BMPR1B: variants seen among roughly 807,000 people sequenced by gnomAD.
BMPR1B encodes bone morphogenetic protein receptor type 1B.
BMPR1B carries 12 observed loss-of-function variants against 59.1 expected under a neutral mutation model. The observed-to-expected ratio is 0.20, with a 90% CI of 0.13 to 0.33. The LOEUF (loss-of-function observed/expected upper bound fraction) is 0.33. BMPR1B is among the 10% of genes least tolerant of loss of function. The pLI, the probability that BMPR1B is intolerant of heterozygous loss-of-function variation, is 1.00. For synonymous variants in BMPR1B, 237 were observed against 207.3 expected (o/e 1.14, Z -1.23); for missense variants, 550 against 610.9 (o/e 0.90, Z 1.05).
intron 1 of BMPR1B, among the ~76,000 whole-genome samples, chr4:94,829,398 T>C (rs1049086152): frequency 2.0e-5 from 3 of 149,590 alleles, no homozygotes; most frequent in Non-Finnish European, 3.0e-5. Context: ...CTCAGCCTCC[T>C]GAGTAGCTGG....
At chr4:95,024,544 A>C (rs1233469924) in intron 3 of BMPR1B, among the ~76,000 whole-genome samples, 4 of 152,190 alleles carry the variant, frequency 2.6e-5, no homozygotes, top group Non-Finnish European at 5.9e-5. Flanking sequence ...CACATCATAA[A>C]TACAACATGA....
intron 1 of BMPR1B, among the ~76,000 whole-genome samples, chr4:94,854,469 G>A (rs1335139033): frequency 3.9e-5 from 6 of 152,094 alleles, no homozygotes; most frequent in Non-Finnish European, 8.8e-5. Context: ...GATTGTGGAT[G>A]CAAGTTTTTG....
intron 3 of BMPR1B, among the ~76,000 whole-genome samples, chr4:95,069,829 AT>A (rs1728137492): frequency 6.6e-6 from 1 of 152,142 alleles, no homozygotes; most frequent in Non-Finnish European, 1.5e-5. Context: ...GCCAGGCGTG[AT>A]GGCTCACGCC....
chr4:95,109,696 CTTT>C (rs398051223), intron 4 of BMPR1B, among the ~76,000 whole-genome samples: 1 of 69,432 alleles, frequency 1.4e-5, no homozygotes, highest in Admixed American at 2.1e-4. Flanking sequence ...ATTAGAACTT[CTTT>C]TTATTATTAT....
At chr4:94,904,343 C>A (rs1451908498) in intron 2 of BMPR1B, among the ~76,000 whole-genome samples, 1 of 151,980 alleles carries the variant, frequency 6.6e-6, no homozygotes, top group African/African-American at 2.4e-5. Context: ...CATTCAGGCA[C>A]TTTGCCCTTT....
intron 1 of BMPR1B, among the ~76,000 whole-genome samples, chr4:94,848,278 A>G (rs1342646976): frequency 1.3e-5 from 2 of 152,216 alleles, no homozygotes; most frequent in African/African-American, 4.8e-5. Flanking sequence ...GCTCTATGTA[A>G]TAGTTCTTCA....
chr4:95,083,834 A>T (rs1263544711), intron 3 of BMPR1B, among the ~76,000 whole-genome samples: 1 of 152,208 alleles, frequency 6.6e-6, no homozygotes, highest in East Asian at 1.9e-4. Flanking sequence ...AATGAAAAAC[A>T]TAATCACTTG....
intron 3 of BMPR1B, among the ~76,000 whole-genome samples, chr4:95,031,750 G>A (rs987926955): frequency 2.0e-5 from 3 of 151,974 alleles, no homozygotes; most frequent in Non-Finnish European, 4.4e-5. Flanking sequence ...GAACAAAGGG[G>A]TTTAAAAAAA....
At chr4:95,044,875 T>A (rs889454483) in intron 3 of BMPR1B, among the ~76,000 whole-genome samples, 2 of 152,102 alleles carry the variant, frequency 1.3e-5, no homozygotes, top group Non-Finnish European at 2.9e-5. Context: ...TATTGTTAGT[T>A]TTTTTTTCTC....
intron 1 of BMPR1B, among the ~76,000 whole-genome samples, chr4:94,843,521 A>T (rs1357892855): frequency 1.3e-5 from 2 of 152,176 alleles, no homozygotes; most frequent in Non-Finnish European, 2.9e-5. Context: ...GTGATAACAT[A>T]ATAGAACTGG....
At chr4:95,079,688 A>G (rs187799478) in intron 3 of BMPR1B, among the ~76,000 whole-genome samples, 63 of 152,120 alleles carry the variant, frequency 4.1e-4, no homozygotes, top group Non-Finnish European at 6.8e-4. Flanking sequence ...ACATAAAGTT[A>G]GGGAAAAGTT....
chr4:94,813,204 A>T (rs1374543051), intron 1 of BMPR1B, among the ~76,000 whole-genome samples: 1 of 152,214 alleles, frequency 6.6e-6, no homozygotes, highest in Non-Finnish European at 1.5e-5. Flanking sequence ...GAAATAAATA[A>T]GAAAATATAT....
chr4:95,071,455 T>C (rs1021506852), intron 3 of BMPR1B, among the ~76,000 whole-genome samples: 5 of 151,886 alleles, frequency 3.3e-5, no homozygotes, highest in East Asian at 1.9e-4. Context: ...CTTTGACTTA[T>C]TTGAATGGAA....
chr4:94,762,787 C>T (rs1455343081), intron 1 of BMPR1B, among the ~76,000 whole-genome samples: 1 of 151,452 alleles, frequency 6.6e-6, no homozygotes, highest in Non-Finnish European at 1.5e-5. Flanking sequence ...AAGGGTGGAA[C>T]CTTGAGAGAT....
rs1735498713 is a variant in BMPR1B at position 95,157,401 on chromosome 4, T to C, written c.*2728T>C. The C allele has an allele frequency of 6.6e-6, 1 of 152,118 alleles. No individual in the cohort carries two copies. Among genetic ancestry groups the C allele is most frequent in the African/African-American group, 2.4e-5 (1 of 41,458 alleles). The allele number at this position is 152,118 out of a possible 1,614,324, so 9.4% of individuals were successfully genotyped here. On this transcript the variant is annotated 3_prime_UTR_variant, in exon 13 of 13. Coordinates refer to ENST00000515059, the MANE Select transcript of BMPR1B (RefSeq NM_001203.3). ...TAATCCTTTATGATTTCAAAATTTC[T>C]AGTGGCTCAGAAGTGAATTTTATTT...
intron 3 of BMPR1B, among the ~76,000 whole-genome samples, chr4:95,096,141 A>G (rs1730359469): frequency 1.3e-5 from 2 of 151,202 alleles, no homozygotes; most frequent in Admixed American, 6.6e-5. Flanking sequence ...TAAGTTATAT[A>G]CATTAAAGAA....
intron 3 of BMPR1B, among the ~76,000 whole-genome samples, chr4:95,014,223 T>A (rs924969518): frequency 5.3e-5 from 8 of 152,208 alleles, no homozygotes; most frequent in African/African-American, 1.2e-4. Context: ...CTGTAAAATC[T>A]TTTCTAATTC....
At chr4:94,790,717 A>G (rs904899779) in intron 1 of BMPR1B, among the ~76,000 whole-genome samples, 3 of 152,220 alleles carry the variant, frequency 2.0e-5, no homozygotes, top group East Asian at 1.9e-4. Context: ...TTATCTTGGT[A>G]ACTTAAAAGA....
chr4:94,827,606 C>G (rs1415412681), intron 1 of BMPR1B, among the ~76,000 whole-genome samples: 1 of 152,118 alleles, frequency 6.6e-6, no homozygotes, highest in African/African-American at 2.4e-5. Flanking sequence ...TTCACTGATG[C>G]CTTTGTTCAG....
Sources: allele counts gnomAD v4.1 joint callset (sites outside exome capture counted in the v4.1 genomes callset), GRCh38; gene constraint gnomAD v4.1.1; transcripts MANE v1.5; gene names NCBI Gene and HGNC (gene_info 2026-07-23, HGNC 2026-07-21).